NUCB2: variants seen among roughly 807,000 people sequenced by gnomAD.
NUCB2 encodes the protein nucleobindin 2.
In NUCB2, 48 loss-of-function variants were observed where a neutral mutation model predicts 57.9. The observed-to-expected ratio is 0.83, with a 90% confidence interval of 0.66 to 1.05. The LOEUF (loss-of-function observed/expected upper bound fraction) is 1.05. NUCB2 is among the 50% of genes least tolerant of loss of function. NUCB2 has a pLI of 0.00. For missense variants in NUCB2, 442 were observed against 476.2 expected, an observed-to-expected ratio of 0.93 and a Z score of 0.67; for synonymous variants, 139 against 152.1, an observed-to-expected ratio of 0.91 and a Z score of 0.64.
intron 5 of NUCB2, among the ~76,000 whole-genome samples, chr11:17,308,342 A>T (rs1948000355): frequency 6.6e-6 from 1 of 152,218 alleles, no homozygotes; most frequent in African/African-American, 2.4e-5. Context: ...GGAGCTAGGA[A>T]ATATGCATGT....
chr11:17,284,460 G>C (rs1943273228), intron 2 of NUCB2, among the ~76,000 whole-genome samples: 1 of 152,194 alleles, frequency 6.6e-6, no homozygotes, highest in Admixed American at 6.6e-5. Context: ...ATGGAAATTG[G>C]AGTGAGAAAG....
intron 2 of NUCB2, among the ~76,000 whole-genome samples, chr11:17,349,069 C>T (rs1393498110): frequency 3.3e-5 from 5 of 152,158 alleles, no homozygotes; most frequent in East Asian, 1.9e-4. Context: ...TGTGAGCCAC[C>T]GCGCCCAGCA....
chr11:17,339,784 G>C (rs1952105839), intron 2 of NUCB2, among the ~76,000 whole-genome samples: 1 of 151,906 alleles, frequency 6.6e-6, no homozygotes, highest in Non-Finnish European at 1.5e-5. Context: ...CCAAGTCTTT[G>C]CTATTGTGAA....
chr11:17,332,221 A>G (rs1212756652), downstream of NUCB2: 1 of 151,954 alleles, frequency 6.6e-6, no homozygotes. Flanking sequence ...GGCAGTGGGG[A>G]AGGCAAGAAA....
At chr11:17,292,545 CT>C (rs1465754039) in intron 2 of NUCB2, among the ~76,000 whole-genome samples, 1 of 152,150 alleles carries the variant, frequency 6.6e-6, no homozygotes, top group African/African-American at 2.4e-5. Flanking sequence ...TGGAGTAGGC[CT>C]TGAGAATTCG....
At chr11:17,286,279 C>T (rs1382914244) in intron 2 of NUCB2, among the ~76,000 whole-genome samples, 3 of 152,184 alleles carry the variant, frequency 2.0e-5, no homozygotes, top group African/African-American at 4.8e-5. Context: ...TCAAGGAATC[C>T]ACCCTCCTTG....
chr11:17,290,953 A>G (rs1944837234), intron 2 of NUCB2, among the ~76,000 whole-genome samples: 1 of 152,184 alleles, frequency 6.6e-6, no homozygotes, highest in South Asian at 2.1e-4. Context: ...CTTTTATAGT[A>G]TACAATTCAC....
At chr11:17,277,506 GGAGA>G (rs147820906) in intron 1 of NUCB2, among the ~76,000 whole-genome samples, 2 of 151,510 alleles carry the variant, frequency 1.3e-5, no homozygotes, top group East Asian at 1.9e-4. Flanking sequence ...AGGGAAAGAA[GGAGA>G]GAGAGAGAGA....
At chr11:17,297,614 A>G (rs1016439276) in intron 4 of NUCB2, among the ~76,000 whole-genome samples, 1 of 152,226 alleles carries the variant, frequency 6.6e-6, no homozygotes, top group Admixed American at 6.5e-5. Flanking sequence ...TTGGGGTGAC[A>G]TAGAAAATGT....
chr11:17,311,152 T>A, intron 7 of NUCB2, 41 bp from the exon 8 acceptor site: 1 of 1,508,610 alleles, frequency 6.6e-7, no homozygotes. Context: ...TACAGATAGA[T>A]TATATTTTGT....
At chr11:17,295,173 G>A in intron 2 of NUCB2, 151 bp from the exon 3 acceptor site, 4 of 578,020 alleles carry the variant, frequency 6.9e-6, no homozygotes, top group Non-Finnish European at 1.1e-5. Context: ...TTTTTGACAA[G>A]TTTTAATCTA....
chr11:17,337,743 C>T (rs1358270082), intron 2 of NUCB2, among the ~76,000 whole-genome samples: 2 of 152,118 alleles, frequency 1.3e-5, no homozygotes, highest in African/African-American at 4.8e-5. Flanking sequence ...AAGCGATTCT[C>T]CTGCCTCAGC....
At chr11:17,307,536 C>T (rs1299996461) in intron 5 of NUCB2, among the ~76,000 whole-genome samples, 1 of 152,146 alleles carries the variant, frequency 6.6e-6, no homozygotes, top group African/African-American at 2.4e-5. Flanking sequence ...AAAGGAAATA[C>T]ACATTTTTGT....
At chr11:17,301,991 C>T (rs1302799379) in intron 5 of NUCB2, 121 bp downstream of exon 5, 6 of 749,380 alleles carry the variant, frequency 8.0e-6, no homozygotes, top group African/African-American at 7.2e-5. Context: ...CCTTGACCAC[C>T]TGGGCTCAAG....
intron 2 of NUCB2, among the ~76,000 whole-genome samples, chr11:17,339,557 G>A (rs1028866423): frequency 7.7e-6 from 1 of 130,358 alleles, no homozygotes. Flanking sequence ...CTGTGTCCAT[G>A]TATTCTCATT....
At chr11:17,298,429 G>T (rs901729828) in intron 4 of NUCB2, among the ~76,000 whole-genome samples, 14 of 151,846 alleles carry the variant, frequency 9.2e-5, no homozygotes, top group African/African-American at 3.1e-4. Context: ...TTAGCTAGAT[G>T]TGGTGGTGTG....
Position 17,331,721 on chromosome 11 carries a change from G to A in NUCB2, c.*302G>A, listed in dbSNP as rs190311175. ...TTAAGTGGCTTTATGCCATAATTTA[G>A]TGAAACTATTAGGAACTATTTAAGT... On this transcript the variant is annotated 3_prime_UTR_variant, in exon 14 of 14. Coordinates refer to ENST00000529010, the MANE Select transcript of NUCB2 (RefSeq NM_005013.4). The A allele has an allele frequency of 1.6e-4, 44 of 275,632 alleles. 1 individual carries two copies. The highest frequency in any genetic ancestry group is 6.8e-4 in the Admixed American group (13 of 19,112). The allele number at this position is 275,632 out of a possible 1,614,324, so 17.1% of individuals were successfully genotyped here. A position where few individuals can be genotyped will look rare whatever the true frequency, so the allele number is the denominator to read the frequency against.
At chr11:17,300,801 G>A (rs952724054) in intron 4 of NUCB2, among the ~76,000 whole-genome samples, 2 of 151,996 alleles carry the variant, frequency 1.3e-5, no homozygotes, top group Non-Finnish European at 1.5e-5. Context: ...GAATTGTTGG[G>A]TCATGGTAAC....
intron 2 of NUCB2, among the ~76,000 whole-genome samples, chr11:17,293,217 G>T (rs1008289871): frequency 4.2e-5 from 6 of 144,548 alleles, no homozygotes; most frequent in African/African-American, 1.6e-4. Flanking sequence ...TCGGGCCATT[G>T]CACTCTAGCC....
Sources: allele counts gnomAD v4.1 joint callset (sites outside exome capture counted in the v4.1 genomes callset), GRCh38; gene constraint gnomAD v4.1.1; transcripts MANE v1.5; gene names NCBI Gene and HGNC (gene_info 2026-07-23, HGNC 2026-07-21).